CRYBG1: variants seen among roughly 807,000 people sequenced by gnomAD.
The protein encoded by CRYBG1 is beta/gamma crystallin domain-containing protein 1.
Under a neutral mutation model 189.2 loss-of-function variants are expected in CRYBG1, and 139 were observed. That is an observed-to-expected ratio of 0.73 (90% CI 0.64 to 0.85). The LOEUF (loss-of-function observed/expected upper bound fraction) is 0.85. Ranked by LOEUF, CRYBG1 falls within the 40% of genes least tolerant of loss-of-function variation. CRYBG1 has a pLI of 0.00. For missense variants in CRYBG1, 2,611 were observed against 2,675.8 expected, an observed-to-expected ratio of 0.98 and a Z score of 0.53; for synonymous variants, 1,023 against 1,017.1, an observed-to-expected ratio of 1.01 and a Z score of -0.11.
At chr6:106,539,070 A>C (rs1029679878) in intron 8 of CRYBG1, among the ~76,000 whole-genome samples, 2 of 152,202 alleles carry the variant, frequency 1.3e-5, no homozygotes, top group African/African-American at 4.8e-5. Context: ...TCTCAGTGGC[A>C]TTCCTTGTAA....
intron 6 of CRYBG1, among the ~76,000 whole-genome samples, chr6:106,525,633 C>T (rs1773722159): frequency 6.6e-6 from 1 of 152,240 alleles, no homozygotes; most frequent in African/African-American, 2.4e-5. Flanking sequence ...GCTTCTTTTT[C>T]CCATGCTTCC....
At chr6:106,386,602 C>T (rs147983360) in intron 1 of CRYBG1, among the ~76,000 whole-genome samples, 2 of 146,056 alleles carry the variant, frequency 1.4e-5, no homozygotes, top group African/African-American at 5.1e-5. Context: ...ACTGCCCCAG[C>T]TCCACCTCAG....
chr6:106,445,596 A>C (rs1056079474), intron 1 of CRYBG1, among the ~76,000 whole-genome samples: 2 of 152,222 alleles, frequency 1.3e-5, no homozygotes, highest in Non-Finnish European at 2.9e-5. Flanking sequence ...ACTTATTGAG[A>C]ACCTACTATA....
intron 1 of CRYBG1, among the ~76,000 whole-genome samples, chr6:106,438,507 CAA>C (rs1771508646): frequency 6.6e-6 from 1 of 152,160 alleles, no homozygotes; most frequent in Non-Finnish European, 1.5e-5. Flanking sequence ...TGGCTGCTGG[CAA>C]TCCTTGGTGT....
At chr6:106,524,857 A>G (rs1170764090) in intron 4 of CRYBG1, among the ~76,000 whole-genome samples, 2 of 152,228 alleles carry the variant, frequency 1.3e-5, no homozygotes, top group Non-Finnish European at 2.9e-5. Context: ...GACATGAAAC[A>G]TATGTGCCCT....
At chr6:106,480,684 T>A (rs1032931266) in intron 2 of CRYBG1, among the ~76,000 whole-genome samples, 6 of 142,718 alleles carry the variant, frequency 4.2e-5, no homozygotes, top group East Asian at 2.1e-4. Flanking sequence ...AAAAAAAAAA[T>A]TTGGCACCTC....
Position 106,416,999 on chromosome 6 carries a change from C to CTTTTTTTTTTTTT in CRYBG1, c.174-34683_174-34671dup, listed in dbSNP as rs71663353. Among the ~76,000 whole-genome samples, 5 of 69,506 alleles carry CTTTTTTTTTTTTT rather than the reference C, an allele frequency of 7.2e-5. 2 individuals carry two copies. Among genetic ancestry groups the CTTTTTTTTTTTTT allele is most frequent in the African/African-American group, 3.2e-4 (5 of 15,680 alleles). The allele number at this position is 69,506 out of a possible 152,430, so 45.6% of individuals were successfully genotyped here. On this transcript the variant is annotated intron_variant, in intron 1 of 21. Transcript: ENST00000633556. ...AGAACAAAGGCAATGATGGGATTTA[C>CTTTTTTTTTTTTT]TTTTTTTTTTTTTTTTTTTTTTTTG...
chr6:106,519,082 C>G, intron 3 of CRYBG1, 49 bp from the exon 4 acceptor site: 1 of 1,545,100 alleles, frequency 6.5e-7, no homozygotes, highest in South Asian at 1.2e-5. Context: ...TGTGTGTTCA[C>G]TTTTTAAAAC....
intron 1 of CRYBG1, among the ~76,000 whole-genome samples, chr6:106,364,380 A>G (rs549701452): frequency 1.3e-5 from 2 of 152,270 alleles, no homozygotes; most frequent in East Asian, 1.9e-4. Flanking sequence ...GATGATTTAA[A>G]GTTTATTAAA....
intron 7 of CRYBG1, among the ~76,000 whole-genome samples, chr6:106,529,726 T>G (rs1048785300): frequency 6.6e-6 from 1 of 152,126 alleles, no homozygotes; most frequent in Non-Finnish European, 1.5e-5. Context: ...GTTTACTCAG[T>G]CAAGGAGAGT....
chr6:106,364,030 A>G (rs1034127862), intron 1 of CRYBG1, among the ~76,000 whole-genome samples: 8 of 152,302 alleles, frequency 5.3e-5, no homozygotes, highest in African/African-American at 1.7e-4. Context: ...TTCCTAGAAA[A>G]GTTTACCAGT....
intron 1 of CRYBG1, among the ~76,000 whole-genome samples, chr6:106,382,467 A>G (rs891121848): frequency 1.1e-4 from 17 of 152,142 alleles, no homozygotes; most frequent in African/African-American, 4.1e-4. Context: ...GGACTTTGAA[A>G]TTTTTGTTCC....
chr6:106,407,244 T>C (rs576516635), intron 1 of CRYBG1, among the ~76,000 whole-genome samples: 1 of 152,162 alleles, frequency 6.6e-6, no homozygotes, highest in South Asian at 2.1e-4. Flanking sequence ...TCCTAGTCTC[T>C]GATAAAACAA....
chr6:106,387,257 G>A (rs1184352689), intron 1 of CRYBG1, among the ~76,000 whole-genome samples: 9 of 151,994 alleles, frequency 5.9e-5, no homozygotes, highest in African/African-American at 2.2e-4. Flanking sequence ...TAGTAAGACT[G>A]TCACTGGAAT....
At chr6:106,538,820 A>G (rs1486826374) in intron 8 of CRYBG1, among the ~76,000 whole-genome samples, 1 of 151,694 alleles carries the variant, frequency 6.6e-6, no homozygotes, top group Admixed American at 6.6e-5. Context: ...CACTTGAACC[A>G]GGAGGCAGAG....
At position 106,360,724 on chromosome 6, in the gene CRYBG1, C is replaced by T. The variant is rs1323474615; in HGVS notation, c.-185C>T. On this transcript the variant is annotated 5_prime_UTR_variant, in exon 1 of 22. Transcript: ENST00000633556. ...CCCAACAGCTCGGGCTGCAGTGCTG[C>T]TCGCGCTGCGCTGGGTGCTGGTTCT... 3 of 615,446 alleles carry T rather than the reference C, an allele frequency of 4.9e-6. No homozygotes were observed. Among genetic ancestry groups the T allele is most frequent in the South Asian group, 2.5e-5 (1 of 40,140 alleles). 38.1% of individuals were successfully genotyped at this position (615,446 alleles called of 1,614,324 possible). A position where few individuals can be genotyped will look rare whatever the true frequency, so the allele number is the denominator to read the frequency against.
At chr6:106,469,340 G>A (rs1388445318) in intron 2 of CRYBG1, among the ~76,000 whole-genome samples, 1 of 152,126 alleles carries the variant, frequency 6.6e-6, no homozygotes, top group Non-Finnish European at 1.5e-5. Flanking sequence ...ACTGTACGAT[G>A]TTTTCCTGCT....
At position 106,555,880 on chromosome 6, in the gene CRYBG1, CT is replaced by C. The variant is rs1373195838; in HGVS notation, c.5700del (p.Arg1901ValfsTer3). On this transcript the variant is annotated frameshift_variant, in exon 17 of 22. Transcript: ENST00000633556. LOFTEE classifies it high-confidence loss of function. ...CCCGCCTGGAGCAACTTTCAAGTCT[CT>C]TCGTTTTATAGATGTTGTAAGTATG... The part of the protein sequence containing the change: ...GCPPGATFKS[L>X]RFIDVEFSEP... 6.2e-7 allele frequency: 1 copy of C among 1,614,046 alleles called. No homozygotes were observed. Among genetic ancestry groups the C allele is most frequent in the Non-Finnish European group, 8.5e-7 (1 of 1,180,014 alleles).
In CRYBG1 at chr6:106,513,051, C is replaced by G. The variant is rs781105035; in HGVS notation, c.1922+12C>G. 3 of 1,593,408 alleles carry G rather than the reference C, an allele frequency of 1.9e-6. No individual in the cohort carries two copies. The East Asian group carries it at 6.7e-5, about 36-fold the overall frequency. On this transcript the variant is annotated intron_variant, in intron 3 of 21. Transcript: ENST00000633556. ...ACTAAAGTGACCCTGTAAGTAGCCG[C>G]GCAAGTCCCGGCCGAGTTGCTGTCC...
Sources: gnomAD v4.1 joint callset for allele counts (sites outside exome capture counted in the v4.1 genomes callset) on GRCh38, gnomAD v4.1.1 for gene constraint, MANE v1.5 for transcripts, NCBI Gene and HGNC (gene_info 2026-07-23, HGNC 2026-07-21) for gene names.